Variants in SYBU observed in about 807,000 individuals in gnomAD.
The protein encoded by SYBU is syntabulin, also known as GOLSYN A protein.
SYBU carries 21 observed loss-of-function variants against 35.9 expected under a neutral mutation model. The observed-to-expected ratio is 0.58, with a 90% CI of 0.41 to 0.84. The LOEUF (loss-of-function observed/expected upper bound fraction) is 0.84. SYBU is among the 40% of genes least tolerant of loss of function. The pLI is 0.00. For synonymous variants in SYBU, 319 were observed against 324.3 expected, an observed-to-expected ratio of 0.98 and a Z score of 0.18; for missense variants, 768 against 848.2, an observed-to-expected ratio of 0.91 and a Z score of 1.17.
chr8:109,608,032 A>G, intron 3 of SYBU: 1 of 1,366,704 alleles, frequency 7.3e-7, no homozygotes. Context: ...TCAGTAGAGT[A>G]CAGTCTCAGA....
In SYBU at chr8:109,618,940, C is replaced by T. The variant is rs200806222; in HGVS notation, c.329G>A (p.Gly110Asp). ...PIGFCPGSDE[G>D]FTRKKCTIGM... is the part of the protein sequence containing the mutation. ...AATCGTGCATTTCTTTCTGGTGAAG[C>T]CTTCATCACTTCCAGGGCAAAAGCC... Residue 110 changes from glycine (G) to aspartate (D), a missense_variant, in exon 3 of 7, where the codon GGC becomes GAC. By Grantham distance (94) the Gly-to-Asp change is moderately conservative. Coordinates refer to ENST00000276646, the MANE Select transcript of SYBU (RefSeq NM_001099754.2). The T allele has an allele frequency of 5.7e-4, 926 of 1,614,126 alleles. 3 individuals carry two copies. Among genetic ancestry groups the T allele is most frequent in the South Asian group, 3.3e-3 (303 of 91,080 alleles).
Position 109,655,987 on chromosome 8 carries a change from G to A in SYBU, c.-129+24724C>T, listed in dbSNP as rs193299133. Among the ~76,000 whole-genome samples the A allele has an allele frequency of 1.9e-4, 29 of 152,246 alleles. No homozygotes were observed. In the East Asian group the frequency reaches 4.5e-3, roughly 23 times the overall value. ...AAAAATTAGCCAGGCGTGGTGACATGTGCCTGTAATCTCAGCTACTCCGGA... is the reference window on the plus strand; with the variant it reads ...AAAAATTAGCCAGGCGTGGTGACATATGCCTGTAATCTCAGCTACTCCGGA... On this transcript the variant is annotated intron_variant, in intron 1 of 5. Transcript: ENST00000408889.
chr8:109,615,596 G>A (rs1174635639), intron 3 of SYBU, among the ~76,000 whole-genome samples: 1 of 151,934 alleles, frequency 6.6e-6, no homozygotes, highest in Non-Finnish European at 1.5e-5. Context: ...AGAAATTTTA[G>A]GCAACTAAAA....
intron 2 of SYBU, among the ~76,000 whole-genome samples, chr8:109,627,143 T>C (rs1377046763): frequency 7.2e-6 from 1 of 138,178 alleles, no homozygotes; most frequent in Non-Finnish European, 1.5e-5. Context: ...TTCAGTTGTA[T>C]AATTTTTGTG....
intron 3 of SYBU, chr8:109,586,412 G>A (rs1402989211): frequency 8.4e-6 from 4 of 478,712 alleles, no homozygotes; most frequent in African/African-American, 5.8e-5. Context: ...CAGTCTTCCT[G>A]CAGACACTGT....
In SYBU at chr8:109,629,520, A is replaced by G. The variant is rs539079106; in HGVS notation, c.230-10481T>C. Among the ~76,000 whole-genome samples the G allele has an allele frequency of 2.0e-5, 3 of 152,332 alleles. No homozygotes were observed. In the South Asian group the frequency reaches 6.2e-4, roughly 32 times the overall value. ...AGTGTAGTATGAATCCAGACAAGCT[A>G]ACACCAGAGCCTCTTTGTTAACCAC... On this transcript the variant is annotated intron_variant, in intron 2 of 6. Transcript: ENST00000276646.
chr8:109,638,634 T>C (rs1448457832), intron 2 of SYBU, among the ~76,000 whole-genome samples: 1 of 152,232 alleles, frequency 6.6e-6, no homozygotes, highest in African/African-American at 2.4e-5. Flanking sequence ...AAATAAAGCA[T>C]TAATTAATAT....
In SYBU at chr8:109,644,778, G is replaced by T; in HGVS notation, c.-119C>A. The T allele has an allele frequency of 9.5e-7, 1 of 1,047,732 alleles. No individual in the cohort carries two copies. The highest frequency in any genetic ancestry group is 1.3e-6 in the Non-Finnish European group (1 of 793,718). The allele number at this position is 1,047,732 out of a possible 1,614,324, so 64.9% of individuals were successfully genotyped here. A position where few individuals can be genotyped will look rare whatever the true frequency, so the allele number is the denominator to read the frequency against. ...CGCGGGCTGCGGGCGGCGGCTCTTG[G>T]TGAGGCTCCAACGCGCCGCCGCCGC... On this transcript the variant is annotated 5_prime_UTR_variant, in exon 1 of 7. Coordinates refer to ENST00000276646, the MANE Select transcript of SYBU (RefSeq NM_001099754.2).
At chr8:109,670,841 T>TTTTCTC (rs1353133956) in intron 1 of SYBU, among the ~76,000 whole-genome samples, 1 of 152,104 alleles carries the variant, frequency 6.6e-6, no homozygotes, top group Non-Finnish European at 1.5e-5. Flanking sequence ...AATTTAATTG[T>TTTTCTC]TTTCTCTAAA....
intron 1 of SYBU, among the ~76,000 whole-genome samples, chr8:109,656,257 T>C (rs1434430389): frequency 6.6e-6 from 1 of 152,200 alleles, no homozygotes; most frequent in Non-Finnish European, 1.5e-5. Context: ...TCCTAATGCT[T>C]GAGACACTAA....
At chr8:109,684,024 C>A (rs2130787060), upstream of SYBU, among the ~76,000 whole-genome samples, 1 of 152,294 alleles carries the variant, frequency 6.6e-6, no homozygotes, top group East Asian at 1.9e-4. Context: ...TTATAAATTA[C>A]CCAGTCTCAG....
chr8:109,589,207 G>A (rs1435363171), intron 3 of SYBU, among the ~76,000 whole-genome samples: 3 of 151,916 alleles, frequency 2.0e-5, no homozygotes. Flanking sequence ...AAGAAAAAAC[G>A]TAGGACCTCA....
chr8:109,603,368 G>T, intron 3 of SYBU: 1 of 981,868 alleles, frequency 1.0e-6, no homozygotes, highest in Non-Finnish European at 1.2e-6. Flanking sequence ...ATTGGATTTT[G>T]CTCTGCTCAC....
upstream of SYBU, among the ~76,000 whole-genome samples, chr8:109,685,359 C>T (rs1247230472): frequency 6.6e-6 from 1 of 152,186 alleles, no homozygotes; most frequent in Non-Finnish European, 1.5e-5. Context: ...AAGTGGGTAG[C>T]TGTAAATCAA....
chr8:109,681,577 A>T (rs572714868), upstream of SYBU, among the ~76,000 whole-genome samples: 1 of 152,206 alleles, frequency 6.6e-6, no homozygotes, highest in Non-Finnish European at 1.5e-5. Flanking sequence ...GGTCTTTAAA[A>T]ATGATGAAGT....
intron 4 of SYBU, among the ~76,000 whole-genome samples, chr8:109,581,480 A>G (rs1823028377): frequency 6.6e-6 from 1 of 152,252 alleles, no homozygotes; most frequent in Admixed American, 6.5e-5. Flanking sequence ...AAACTTGTTC[A>G]AACTTCACCA....
At chr8:109,676,245 G>A (rs775285517) in intron 1 of SYBU, among the ~76,000 whole-genome samples, 10 of 152,108 alleles carry the variant, frequency 6.6e-5, no homozygotes, top group South Asian at 2.1e-4. Flanking sequence ...GATACCCTCC[G>A]TCATCACTCC....
At chr8:109,631,689 G>A (rs187183581) in intron 2 of SYBU, among the ~76,000 whole-genome samples, 233 of 152,306 alleles carry the variant, frequency 1.5e-3, no homozygotes, top group African/African-American at 5.3e-3. Context: ...TAGAGGTTTT[G>A]GCGAGGGAGG....
At chr8:109,634,163 C>T (rs990837448) in intron 2 of SYBU, among the ~76,000 whole-genome samples, 5 of 152,196 alleles carry the variant, frequency 3.3e-5, no homozygotes, top group Admixed American at 3.3e-4. Context: ...TAAGACTCTG[C>T]TTTTACCCAC....
Sources: allele counts gnomAD v4.1 joint callset (sites outside exome capture counted in the v4.1 genomes callset), GRCh38; gene constraint gnomAD v4.1.1; transcripts MANE v1.5; gene names NCBI Gene and HGNC (gene_info 2026-07-23, HGNC 2026-07-21).